Variants in NCOA1 observed in about 807,000 individuals in gnomAD.
NCOA1 encodes the protein Hin-2 protein.
In NCOA1, 35 loss-of-function variants were observed where a neutral mutation model predicts 150.9. That is an observed-to-expected ratio of 0.23 (90% confidence interval 0.18 to 0.31). The LOEUF (loss-of-function observed/expected upper bound fraction) is 0.31, where lower values mean the gene tolerates loss of function less well. Ranked by LOEUF, NCOA1 falls within the 10% of genes least tolerant of loss-of-function variation. NCOA1 has a pLI of 1.00. For missense variants in NCOA1, 1,491 were observed against 1,749.3 expected, an observed-to-expected ratio of 0.85 and a Z score of 2.63; for synonymous variants, 590 against 630.0, an observed-to-expected ratio of 0.94 and a Z score of 0.95.
At chr2:24,565,829 C>T (rs1305249847) in intron 2 of NCOA1, among the ~76,000 whole-genome samples, 1 of 152,130 alleles carries the variant, frequency 6.6e-6, no homozygotes, top group African/African-American at 2.4e-5. Flanking sequence ...CACGGGCGCT[C>T]ACTCCCTGCA....
At chr2:24,494,810 C>T (rs992240512) in intron 1 of NCOA1, among the ~76,000 whole-genome samples, 1 of 152,128 alleles carries the variant, frequency 6.6e-6, no homozygotes, top group African/African-American at 2.4e-5. Context: ...GATTAACTTT[C>T]CTACCCATTT....
At chr2:24,718,698 G>T (rs1412042370) in intron 14 of NCOA1, among the ~76,000 whole-genome samples, 1 of 150,248 alleles carries the variant, frequency 6.7e-6, no homozygotes, top group Non-Finnish European at 1.5e-5. Flanking sequence ...AGGCTAACAT[G>T]GTGAAACCCC....
chr2:24,732,387 TCTA>T (rs1333050770), intron 17 of NCOA1, among the ~76,000 whole-genome samples: 1 of 152,104 alleles, frequency 6.6e-6, no homozygotes, highest in Admixed American at 6.6e-5. Flanking sequence ...AAAAACAACT[TCTA>T]CTGCAAACTA....
intron 17 of NCOA1, 122 bp from the exon 18 acceptor site, chr2:24,739,310 A>T (rs1663486179): frequency 5.9e-6 from 4 of 679,822 alleles, no homozygotes; most frequent in Non-Finnish European, 1.0e-5. Context: ...CATAGGAAAT[A>T]ATCTAACCAA....
At chr2:24,646,704 TTC>T (rs1204216907) in intron 4 of NCOA1, among the ~76,000 whole-genome samples, 1 of 150,918 alleles carries the variant, frequency 6.6e-6, no homozygotes, top group Non-Finnish European at 1.5e-5. Context: ...TTTTTCTTCT[TTC>T]TTTTTTTTTT....
chr2:24,757,820 A>T (rs1558344210), intron 20 of NCOA1, among the ~76,000 whole-genome samples, 153 bp from the exon 21 acceptor site: 1 of 152,196 alleles, frequency 6.6e-6, no homozygotes. Flanking sequence ...TTCAGAATGT[A>T]TCTGAATTAT....
intron 17 of NCOA1, 72 bp downstream of exon 17, chr2:24,729,887 T>C (rs948422478): frequency 7.5e-6 from 11 of 1,473,878 alleles, no homozygotes; most frequent in South Asian, 1.3e-5. Context: ...ACCAGGCTAG[T>C]GTGGCTAGTG....
chr2:24,759,062 T>C (rs1664644735), intron 21 of NCOA1, among the ~76,000 whole-genome samples: 1 of 150,482 alleles, frequency 6.6e-6, no homozygotes, highest in South Asian at 2.1e-4. Flanking sequence ...TTTGAAACAT[T>C]TTCTTCATCT....
intron 1 of NCOA1, among the ~76,000 whole-genome samples, chr2:24,507,435 G>GTTTTTTT (rs10651704): frequency 2.4e-5 from 3 of 126,504 alleles, no homozygotes; most frequent in Non-Finnish European, 3.2e-5. Context: ...GAGCTGCTGG[G>GTTTTTTT]TTTTTTTTTT....
intron 3 of NCOA1, among the ~76,000 whole-genome samples, chr2:24,627,834 G>C (rs1447242391): frequency 6.6e-6 from 1 of 152,146 alleles, no homozygotes; most frequent in Admixed American, 6.5e-5. Flanking sequence ...CTGACATCTT[G>C]TTTTCTCTTG....
chr2:24,688,052 A>T (rs1672489536), intron 8 of NCOA1, among the ~76,000 whole-genome samples: 1 of 152,088 alleles, frequency 6.6e-6, no homozygotes. Flanking sequence ...GATGGCCTCC[A>T]TTTCCATCCA....
chr2:24,635,029 T>C (rs1669878668), intron 3 of NCOA1, among the ~76,000 whole-genome samples: 1 of 152,122 alleles, frequency 6.6e-6, no homozygotes, highest in South Asian at 2.1e-4. Flanking sequence ...TAGAAAACAC[T>C]TTCAAAATAC....
At chr2:24,577,769 T>G (rs557175896) in intron 2 of NCOA1, among the ~76,000 whole-genome samples, 1 of 152,338 alleles carries the variant, frequency 6.6e-6, no homozygotes, top group South Asian at 2.1e-4. Flanking sequence ...TGATCTGTTT[T>G]GAGAGATTGT....
chr2:24,571,385 A>G (rs1032218036), intron 2 of NCOA1, among the ~76,000 whole-genome samples: 7 of 152,134 alleles, frequency 4.6e-5, no homozygotes, highest in African/African-American at 1.7e-4. Context: ...AGAAAATCCT[A>G]TTGCCTGCAA....
At chr2:24,721,408 A>G (rs1674352740) in intron 14 of NCOA1, among the ~76,000 whole-genome samples, 2 of 152,144 alleles carry the variant, frequency 1.3e-5, no homozygotes, top group South Asian at 2.1e-4. Context: ...CTCCATATAT[A>G]TTGAAAAAGA....
chr2:24,508,507 C>T (rs1009127813), intron 1 of NCOA1, among the ~76,000 whole-genome samples: 13 of 151,942 alleles, frequency 8.6e-5, no homozygotes, highest in African/African-American at 2.7e-4. Flanking sequence ...AATCACTTCC[C>T]CAAGCAGATG....
At chr2:24,753,585 A>T (rs1664355611) in intron 20 of NCOA1, among the ~76,000 whole-genome samples, 1 of 152,326 alleles carries the variant, frequency 6.6e-6, no homozygotes, top group African/African-American at 2.4e-5. Context: ...CATCAGTAGC[A>T]TTTGACATAT....
chr2:24,764,886 C>A (rs1229845672), intron 22 of NCOA1, among the ~76,000 whole-genome samples: 1 of 152,144 alleles, frequency 6.6e-6, no homozygotes, highest in Non-Finnish European at 1.5e-5. Context: ...GGACCTGAGT[C>A]CTCTCAAGGT....
chr2:24,706,596 G>A lies in NCOA1; in HGVS notation c.1126G>A (p.Asp376Asn), dbSNP rs769931774. ...REHSGLSPQDDTNSGMSIPRV... is the reference protein window; with the variant it reads ...REHSGLSPQDNTNSGMSIPRV... ...GCACAGTGGGCTTTCTCCTCAAGAT[G>A]ACACTAATTCTGGAATGTCAATTCC... The change falls in exon 13 of 23, where the codon GAC (aspartate) becomes AAC (asparagine). Residue 376 changes from aspartate (D) to asparagine (N), a missense_variant. Asp to Asn is a conservative substitution (Grantham distance 23). This residue lies in a region of NCOA1 where 703 missense variants were observed against 717.7 expected (regional missense o/e 0.98). Coordinates refer to ENST00000348332, the MANE Select transcript of NCOA1 (RefSeq NM_003743.5). 3 of 1,613,072 alleles carry A rather than the reference G, an allele frequency of 1.9e-6. No individual in the cohort carries two copies. Among genetic ancestry groups the A allele is most frequent in the South Asian group, 1.1e-5 (1 of 91,006 alleles).
Sources: allele counts gnomAD v4.1 joint callset (sites outside exome capture counted in the v4.1 genomes callset), GRCh38; gene constraint gnomAD v4.1.1; regional missense constraint gnomAD v4.1.1; transcripts MANE v1.5; gene names NCBI Gene and HGNC (gene_info 2026-07-23, HGNC 2026-07-21).